Variants in CD163 observed in about 807,000 individuals in gnomAD.
CD163 encodes scavenger receptor cysteine-rich type 1 protein M130.
CD163 carries 64 observed loss-of-function variants against 129.2 expected under a neutral mutation model. That is an observed-to-expected ratio of 0.50 (90% CI 0.41 to 0.61). The LOEUF (loss-of-function observed/expected upper bound fraction) is 0.61, where lower values mean the gene tolerates loss of function less well. Ranked by LOEUF, CD163 falls within the 20% of genes least tolerant of loss-of-function variation. CD163 has a pLI of 0.00. For missense variants in CD163, 1,061 were observed against 1,377.9 expected, an observed-to-expected ratio of 0.77 and a Z score of 3.64; for synonymous variants, 446 against 478.5, an observed-to-expected ratio of 0.93 and a Z score of 0.89.
Position 7,497,111 on chromosome 12 carries a change from TC to T in CD163, c.800del (p.Arg267AsnfsTer3). ...AACATTCAGTGACTCCATCTACCAG[TC>T]TCAGGCTCAGATCTGCTCCCTCTGT... is the stretch of plus-strand genomic sequence containing the variant. Reference protein sequence around the residue: ...ICSKGADLSLRLVDGVTECSG... With the variant: ...ICSKGADLSLXLVDGVTECSG... On this transcript the variant is annotated frameshift_variant, in exon 5 of 17. Coordinates refer to ENST00000432237, the MANE Select transcript of CD163 (RefSeq NM_203416.4). LOFTEE classifies it high-confidence loss of function. 1 of 1,613,908 alleles carries T rather than the reference TC, an allele frequency of 6.2e-7. No homozygotes were observed. The highest frequency in any genetic ancestry group is 8.5e-7 in the Non-Finnish European group (1 of 1,179,916).
Position 7,501,467 on chromosome 12 carries a change from A to T in CD163, c.134-5T>A. ...TCAGCTCCTTGTCTGTTCCTCCTGC[A>T]ACAATGGATTAAGACAGTAATTGGC... On this transcript the variant is annotated splice_region_variant and splice_polypyrimidine_tract_variant and intron_variant, in intron 2 of 16. Transcript: ENST00000432237. The T allele has an allele frequency of 6.2e-7, 1 of 1,611,448 alleles. No individual in the cohort carries two copies. The highest frequency in any genetic ancestry group is 8.5e-7 in the Non-Finnish European group (1 of 1,177,772).
Position 7,496,851 on chromosome 12 carries a change from T to C in CD163, c.1061A>G (p.Tyr354Cys). Reference protein sequence around the residue: ...QCKHHEWGKHYCNHNEDAGVT... With the variant: ...QCKHHEWGKHCCNHNEDAGVT... ...GCCAGCATCTTCATTGTGATTGCAA[T>C]AATGCTTTCCCCATTCATGGTGTTT... The change falls in exon 5 of 17, where the codon TAT becomes TGT. Residue 354 changes from tyrosine to cysteine, a missense_variant. Physicochemically the swap from Tyr to Cys is radical, Grantham distance 194. Transcript: ENST00000432237. This position sits in a 1 kb window ranked among gnomAD's most constrained non-coding sequence, Gnocchi z 4.8. 3 of 1,614,154 alleles carry C rather than the reference T, an allele frequency of 1.9e-6. No individual in the cohort carries two copies. The highest frequency in any genetic ancestry group is 1.7e-6 in the Non-Finnish European group (2 of 1,179,982).
Position 7,501,455 on chromosome 12 carries a change from T to G in CD163, c.141A>C (p.Thr47=). The change falls in exon 3 of 17, where the codon ACA becomes ACC. Residue 47 remains threonine (T), a synonymous_variant. Coordinates refer to ENST00000432237, the MANE Select transcript of CD163 (RefSeq NM_203416.4). The part of the protein sequence containing the change: ...ACFVTSSLGG[T]DKELRLVDGE... ...CATCCACTAGCCTCAGCTCCTTGTC[T>G]GTTCCTCCTGCAACAATGGATTAAG... 1 of 1,613,178 alleles carries G rather than the reference T, an allele frequency of 6.2e-7. No homozygotes were observed. Among genetic ancestry groups the G allele is most frequent in the Non-Finnish European group, 8.5e-7 (1 of 1,179,318 alleles).
intron 16 of CD163, among the ~76,000 whole-genome samples, chr12:7,475,023 G>A (rs961390285): frequency 2.8e-5 from 4 of 144,064 alleles, no homozygotes; most frequent in South Asian, 2.2e-4. Flanking sequence ...AAGACTAAAC[G>A]AGGAAGAAGT....
At chr12:7,486,422 A>G (rs1380607272) in intron 10 of CD163, 77 bp downstream of exon 10, 9 of 1,357,348 alleles carry the variant, frequency 6.6e-6, no homozygotes, top group Non-Finnish European at 8.1e-6. Context: ...GAAAATCTTT[A>G]AGATTAATAC....
At chr12:7,473,373 C>G (rs1272759692) in intron 16 of CD163, among the ~76,000 whole-genome samples, 1 of 152,194 alleles carries the variant, frequency 6.6e-6, no homozygotes, top group Non-Finnish European at 1.5e-5. Flanking sequence ...AACAGCAGAA[C>G]TTTCTCCAGA....
intron 16 of CD163, among the ~76,000 whole-genome samples, chr12:7,472,114 C>T (rs1949013687): frequency 6.6e-6 from 1 of 152,194 alleles, no homozygotes; most frequent in Admixed American, 6.5e-5. Context: ...GGGAATGGGG[C>T]GGCTGTGGGT....
At chr12:7,473,601 T>C (rs1591989030) in intron 16 of CD163, among the ~76,000 whole-genome samples, 1 of 152,126 alleles carries the variant, frequency 6.6e-6, no homozygotes, top group Non-Finnish European at 1.5e-5. Context: ...GAAAAACTAG[T>C]ACCAGCCACT....
rs771647321 is a variant in CD163, at chr12:7,487,390, A to C, written c.2019T>G (p.Pro673=). 1.7e-5 allele frequency: 27 copies of C among 1,602,836 alleles called. No individual in the cohort carries two copies. In the South Asian group the frequency reaches 3.0e-4, roughly 18 times the overall value. ...PVTALGASLC[P]SEQVASVICS... ...AGATTACAGAGGCCACTTGCTCTGA[A>C]GGACATAATGAAGCACCTAGAGCAG... Residue 673 remains proline, a synonymous_variant, in exon 8 of 17, where the codon CCT becomes CCG. Transcript: ENST00000432237. This position sits in a 1 kb window ranked among gnomAD's most constrained non-coding sequence, Gnocchi z 5.1.
At chr12:7,494,833 C>T (rs1949377331) in intron 6 of CD163, among the ~76,000 whole-genome samples, 2 of 152,132 alleles carry the variant, frequency 1.3e-5, no homozygotes, top group African/African-American at 4.8e-5. Context: ...AAATTTTAAT[C>T]CTCCTTAATC....
rs759254521 is a variant in CD163, at chr12:7,487,858, A to T, written c.1650T>A (p.His550Gln). 2 of 1,614,080 alleles carry T rather than the reference A, an allele frequency of 1.2e-6. No homozygotes were observed. ...IWAEEFQCEG[H>Q]ESHLSLCPVA... The stretch of plus-strand genomic sequence containing the variant: ...CTGGGCAGAGTGAAAGATGGGACTC[A>T]TGTCCCTCACACTGGAATTCTTCAG... Residue 550 changes from histidine (H) to glutamine (Q), a missense_variant, in exon 7 of 17, where the codon CAT becomes CAA. Coordinates refer to ENST00000432237, the MANE Select transcript of CD163 (RefSeq NM_203416.4). The surrounding 1 kb of genome is among the most constrained non-coding windows in gnomAD (Gnocchi z 5.1).
rs1280322339 is a variant in CD163 at position 7,495,371 on chromosome 12, C to T, written c.1130G>A (p.Gly377Asp). Residue 377 changes from glycine (G) to aspartate (D), a missense_variant, in exon 6 of 17, where the codon GGT (glycine) becomes GAT (aspartate). Coordinates refer to ENST00000432237, the MANE Select transcript of CD163 (RefSeq NM_203416.4). Reference protein sequence around the residue: ...DGSDLELRLRGGGSRCAGTVE... With the variant: ...DGSDLELRLRDGGSRCAGTVE... The stretch of plus-strand genomic sequence containing the variant: ...TGTCCCAGCACAGCGGCTGCCTCCA[C>T]CTCTAAGTCTTAGCTCCAGATCTGA... 6.2e-7 allele frequency: 1 copy of T among 1,614,098 alleles called. No individual in the cohort carries two copies. The highest frequency in any genetic ancestry group is 1.7e-5 in the Admixed American group (1 of 60,016).
At chr12:7,503,600 A>C in intron 1 of CD163, 45 bp downstream of exon 1, 1 of 1,247,370 alleles carries the variant, frequency 8.0e-7, no homozygotes, top group East Asian at 2.3e-5. Flanking sequence ...TAATAATTAC[A>C]TACCCCATTA....
chr12:7,485,128 C>G lies in CD163; in HGVS notation c.2747G>C (p.Ser916Thr). 1 of 1,611,846 alleles carries G rather than the reference C, an allele frequency of 6.2e-7. No homozygotes were observed. The highest frequency in any genetic ancestry group is 8.5e-7 in the Non-Finnish European group (1 of 1,178,430). Residue 916 changes from serine to threonine, a missense_variant, in exon 11 of 17, where the codon AGC becomes ACC. Ser to Thr is a moderately conservative substitution (Grantham distance 58). Transcript: ENST00000432237. This position sits in a 1 kb window ranked among gnomAD's most constrained non-coding sequence, Gnocchi z 4.5. ...TGTGATCCAGGTCTCCTCCGAGGGG[C>G]TGGCCAGTCTCTTCTCCCATGGAGA... is the stretch of plus-strand genomic sequence containing the variant. ...PSSPWEKRLA[S>T]PSEETWITCD...
chr12:7,497,221 G>A, intron 4 of CD163, 88 bp from the exon 5 acceptor site: 1 of 1,072,266 alleles, frequency 9.3e-7, no homozygotes, highest in Non-Finnish European at 1.4e-6. Flanking sequence ...TTAAGGAAAA[G>A]GGGAGAGATA....
chr12:7,501,511 G>A, intron 2 of CD163, 49 bp from the exon 3 acceptor site: 1 of 1,419,344 alleles, frequency 7.0e-7, no homozygotes, highest in Non-Finnish European at 9.9e-7. Context: ...CAAAGAGCAA[G>A]TAGAAAATTA....
At position 7,487,810 on chromosome 12, in the gene CD163, A is replaced by T. The variant is rs747264773; in HGVS notation, c.1698T>A (p.Thr566=). The part of the protein sequence containing the change: ...LCPVAPRPEG[T]CSHSRDVGVV... ...CTCCAACATCCCTGCTGTGGCTACA[A>T]GTTCCTTCTGGGCGGGGTGCTACTG... The change falls in exon 7 of 17, where the codon ACT becomes ACA. Residue 566 remains threonine, a synonymous_variant. Transcript: ENST00000432237. The surrounding 1 kb of genome is among the most constrained non-coding windows in gnomAD (Gnocchi z 5.1). 5 of 1,614,108 alleles carry T rather than the reference A, an allele frequency of 3.1e-6. No individual in the cohort carries two copies. Among genetic ancestry groups the T allele is most frequent in the Non-Finnish European group, 4.2e-6 (5 of 1,180,018 alleles).
intron 16 of CD163, among the ~76,000 whole-genome samples, chr12:7,477,753 T>C (rs1284742858): frequency 6.6e-6 from 1 of 152,004 alleles, no homozygotes; most frequent in African/African-American, 2.4e-5. Flanking sequence ...AACTTAAAGA[T>C]TAAAAACAAA....
chr12:7,475,902 A>G lies in CD163; in HGVS notation c.*31+3958T>C, dbSNP rs778106564. Among the ~76,000 whole-genome samples, 4 of 152,302 alleles carry G rather than the reference A, an allele frequency of 2.6e-5. No homozygotes were observed. The East Asian group carries it at 7.7e-4, about 29-fold the overall frequency. ...ACTTCAGCAAAGTCTCAGGATACAAAATCAATGTGCAAAAATCACAAGCAT... is the reference window on the plus strand; with the variant it reads ...ACTTCAGCAAAGTCTCAGGATACAAGATCAATGTGCAAAAATCACAAGCAT... On this transcript the variant is annotated intron_variant, in intron 16 of 16. Coordinates refer to ENST00000432237, the MANE Select transcript of CD163 (RefSeq NM_203416.4).
Sources: gnomAD v4.1 joint callset for allele counts (sites outside exome capture counted in the v4.1 genomes callset) on GRCh38, gnomAD v4.1.1 for gene constraint, Gnocchi (gnomAD v3.1) non-coding constraint, MANE v1.5 for transcripts, NCBI Gene and HGNC (gene_info 2026-07-23, HGNC 2026-07-21) for gene names.